SENP1: variants seen among roughly 807,000 people sequenced by gnomAD.
SENP1 encodes the protein sentrin-specific protease 1.
In SENP1, 21 loss-of-function variants were observed where a neutral mutation model predicts 93.0. The ratio of observed to expected loss-of-function variants is 0.23; its 90% CI spans 0.16 to 0.33. The LOEUF (loss-of-function observed/expected upper bound fraction) is 0.33, where lower values mean the gene tolerates loss of function less well. Among genes scored for constraint, SENP1 ranks in the 10% least tolerant of loss-of-function variants. The probability of loss-of-function intolerance (pLI) is 1.00; values close to 1 mark genes in which losing one functional copy is unlikely to be tolerated. For missense variants in SENP1, 591 were observed against 758.7 expected (o/e 0.78, Z 2.60); for synonymous variants, 256 against 259.6 (o/e 0.99, Z 0.13).
At chr12:48,077,851 T>C (rs1036659640) in intron 6 of SENP1, among the ~76,000 whole-genome samples, 3 of 152,166 alleles carry the variant, frequency 2.0e-5, no homozygotes, top group African/African-American at 4.8e-5. Context: ...GTAGTATAGT[T>C]TGAAATAAGC....
intron 9 of SENP1, among the ~76,000 whole-genome samples, chr12:48,068,876 G>A (rs1381936572): frequency 6.6e-6 from 1 of 152,082 alleles, no homozygotes; most frequent in Admixed American, 6.5e-5. Context: ...ATTAAGGCCA[G>A]GCACAGTGGC....
chr12:48,104,516 T>A (rs1946307751), intron 1 of SENP1, among the ~76,000 whole-genome samples: 2 of 152,182 alleles, frequency 1.3e-5, no homozygotes, highest in Non-Finnish European at 2.9e-5. Context: ...TTAAATACCT[T>A]AACACTCTAA....
At chr12:48,071,569 TC>T (rs1196915614) in intron 9 of SENP1, 97 bp downstream of exon 9, 3 of 778,174 alleles carry the variant, frequency 3.9e-6, no homozygotes, top group Non-Finnish European at 6.3e-6. Flanking sequence ...TGAACCAAGA[TC>T]GCGCCACTAC....
intron 9 of SENP1, among the ~76,000 whole-genome samples, chr12:48,069,851 A>C (rs1360086308): frequency 6.6e-6 from 1 of 152,226 alleles, no homozygotes; most frequent in Admixed American, 6.5e-5. Context: ...GAATTTTAAG[A>C]AATATTTAAA....
chr12:48,066,720 C>G (rs1943329046), intron 10 of SENP1, among the ~76,000 whole-genome samples: 3 of 152,098 alleles, frequency 2.0e-5, no homozygotes, highest in African/African-American at 7.2e-5. Context: ...CCATGAAGGC[C>G]AGGCTGGTCT....
In SENP1 at chr12:48,102,810, CAA is replaced by C. The variant is rs1221712691; in HGVS notation, c.-44-1296_-44-1295del. 5.3e-3 allele frequency among the ~76,000 whole-genome samples: 440 copies of C among 83,124 alleles called. 2 individuals carry two copies. The East Asian group carries it at 0.055, about 10-fold the overall frequency. 54.5% of individuals were successfully genotyped at this position (83,124 alleles called of 152,430 possible). ...TGGGCGACAGGGCGAGACTCCGTCT[CAA>C]AAAAAAAAAAAAAAAAAAGTTTTCT... is the stretch of plus-strand genomic sequence containing the variant. On this transcript the variant is annotated intron_variant, in intron 1 of 17. Transcript: ENST00000549518.
intron 4 of SENP1, among the ~76,000 whole-genome samples, chr12:48,096,080 A>G (rs1245613511): frequency 6.6e-6 from 1 of 152,222 alleles, no homozygotes; most frequent in African/African-American, 2.4e-5. Flanking sequence ...ACAAAGTTGT[A>G]TTGCTTTTTA....
intron 13 of SENP1, among the ~76,000 whole-genome samples, chr12:48,049,834 T>C (rs1276984649): frequency 6.6e-6 from 1 of 152,188 alleles, no homozygotes; most frequent in African/African-American, 2.4e-5. Flanking sequence ...ACCTACCTTA[T>C]ATGAGACCTA....
chr12:48,052,796 T>C (rs1257622375), intron 13 of SENP1, among the ~76,000 whole-genome samples: 1 of 152,214 alleles, frequency 6.6e-6, no homozygotes, highest in Non-Finnish European at 1.5e-5. Context: ...CATAAATCCC[T>C]GGTTAATCAG....
rs1417440374 is a variant in SENP1 at position 48,056,404 on chromosome 12, ATAAT to A, written c.1408-7276_1408-7273del. Among the ~76,000 whole-genome samples the A allele has an allele frequency of 9.2e-5, 10 of 108,716 alleles. 1 individual carries two copies. The highest frequency in any genetic ancestry group is 2.6e-4 in the African/African-American group (7 of 27,134). The allele number at this position is 108,716 out of a possible 152,430, so 71.3% of individuals were successfully genotyped here. ...ATTTAATATAGTACATATTACATAT[ATAAT>A]TATTTAATATAGTACATATTACATA... is the stretch of plus-strand genomic sequence containing the variant. On this transcript the variant is annotated intron_variant, in intron 13 of 17. Coordinates refer to ENST00000549518, the MANE Select transcript of SENP1 (RefSeq NM_001267594.2).
intron 6 of SENP1, chr12:48,081,236 C>T (rs1417504410): frequency 6.6e-6 from 1 of 152,080 alleles, no homozygotes; most frequent in Non-Finnish European, 1.5e-5. Context: ...AACCCCACAA[C>T]TCCAGTAATT....
rs551797358 is a variant in SENP1, at chr12:48,060,566, T to C, written c.1407+3144A>G. ...TACTTCTACTTTTGCAACTAATTTT[T>C]CCTCTCTCCCTTTTTCTAAAAAACA... On this transcript the variant is annotated intron_variant, in intron 13 of 17. Coordinates refer to ENST00000549518, the MANE Select transcript of SENP1 (RefSeq NM_001267594.2). 5.9e-5 allele frequency among the ~76,000 whole-genome samples: 9 copies of C among 152,344 alleles called. No homozygotes were observed. The East Asian group carries it at 1.7e-3, about 29-fold the overall frequency.
At chr12:48,102,538 G>C (rs1029325306) in intron 1 of SENP1, among the ~76,000 whole-genome samples, 1 of 150,920 alleles carries the variant, frequency 6.6e-6, no homozygotes, top group African/African-American at 2.4e-5. Flanking sequence ...AGATTTCCAA[G>C]AGGAGGAGGC....
chr12:48,080,908 G>T (rs1435098091), intron 6 of SENP1, among the ~76,000 whole-genome samples: 1 of 152,174 alleles, frequency 6.6e-6, no homozygotes, highest in Non-Finnish European at 1.5e-5. Flanking sequence ...GGAGGAAGGA[G>T]AACTCCACCT....
At chr12:48,101,305 A>C (rs576990605) in intron 2 of SENP1, among the ~76,000 whole-genome samples, 164 bp downstream of exon 2, 1 of 152,290 alleles carries the variant, frequency 6.6e-6, no homozygotes, top group Non-Finnish European at 1.5e-5. Flanking sequence ...AATAATAATA[A>C]TTTTGTTTGG....
chr12:48,078,946 T>G (rs533967470), intron 6 of SENP1, among the ~76,000 whole-genome samples: 4 of 152,258 alleles, frequency 2.6e-5, no homozygotes, highest in Admixed American at 2.0e-4. Context: ...CCTAGGAGTT[T>G]GAGACCAGCC....
At chr12:48,097,705 G>A (rs1325493181) in intron 3 of SENP1, 1 of 202,486 alleles carries the variant, frequency 4.9e-6, no homozygotes, top group East Asian at 1.2e-4. Flanking sequence ...AATTTTAGGT[G>A]CTAGTTTAAA....
rs113991290 is a variant in SENP1, at chr12:48,060,186, T to G, written c.1407+3524A>C. On this transcript the variant is annotated intron_variant, in intron 13 of 17. Coordinates refer to ENST00000549518, the MANE Select transcript of SENP1 (RefSeq NM_001267594.2). ...TACCTGTTATCCAATGTCTGAAAATTGTTGTTTCATCTTTTGTCTAATTTT... is the reference window on the plus strand; with the variant it reads ...TACCTGTTATCCAATGTCTGAAAATGGTTGTTTCATCTTTTGTCTAATTTT... Among the ~76,000 whole-genome samples the G allele has an allele frequency of 2.8e-3, 425 of 152,338 alleles. 3 individuals are homozygous for G. The highest frequency in any genetic ancestry group is 4.9e-3 in the Non-Finnish European group (336 of 68,018).
rs1945219328 is a variant in SENP1 at position 48,091,434 on chromosome 12, A to AGCGAGAT, written c.221-2481_221-2475dup. On this transcript the variant is annotated intron_variant, in intron 4 of 17. Coordinates refer to ENST00000549518, the MANE Select transcript of SENP1 (RefSeq NM_001267594.2). ...CACTGCACTCCAGCCTGGGCGACAG[A>AGCGAGAT]GCGAGATTCTGTCTCCAAAAAAAAA... Among the ~76,000 whole-genome samples the AGCGAGAT allele has an allele frequency of 2.6e-5, 4 of 151,478 alleles. No individual in the cohort carries two copies. The South Asian group carries it at 8.4e-4, about 32-fold the overall frequency.
Sources: gnomAD v4.1 joint callset for allele counts (sites outside exome capture counted in the v4.1 genomes callset) on GRCh38, gnomAD v4.1.1 for gene constraint, MANE v1.5 for transcripts, NCBI Gene and HGNC (gene_info 2026-07-23, HGNC 2026-07-21) for gene names.